The following ASAP2 variants were observed in gnomAD, a reference collection of about 807,000 sequenced individuals.
ASAP2 encodes the protein arf-GAP with SH3 domain, ANK repeat and PH domain-containing protein 2.
A neutral mutation model predicts 131.4 loss-of-function variants in ASAP2; 45 were observed. The observed-to-expected ratio is 0.34, with a 90% confidence interval of 0.27 to 0.44. The LOEUF is 0.44. Ranked by LOEUF, ASAP2 falls within the 20% of genes least tolerant of loss-of-function variation. The pLI is 1.00. For synonymous variants in ASAP2, 510 were observed against 503.0 expected (o/e 1.01, Z -0.19); for missense variants, 1,011 against 1,297.0 (o/e 0.78, Z 3.39).
At position 9,281,407 on chromosome 2, in the gene ASAP2, C is replaced by T. The variant is rs749064988; in HGVS notation, c.199+2018C>T. On this transcript the variant is annotated intron_variant, in intron 2 of 27. Coordinates refer to ENST00000281419, the MANE Select transcript of ASAP2 (RefSeq NM_003887.3). This position sits in a 1 kb window ranked among gnomAD's most constrained non-coding sequence, Gnocchi z 4.0. ...CAGCCCTGCATTTGAAGGGAGAAGG[C>T]GCTAGTGCTTCGGTGTCAGGAAGCT... Among the ~76,000 whole-genome samples, 3 of 152,142 alleles carry T rather than the reference C, an allele frequency of 2.0e-5. No individual in the cohort carries two copies. Among genetic ancestry groups the T allele is most frequent in the Non-Finnish European group, 4.4e-5 (3 of 68,020 alleles).
intron 24 of ASAP2, chr2:9,398,759 A>T (rs2148822225): frequency 6.6e-6 from 1 of 151,106 alleles, no homozygotes; most frequent in Non-Finnish European, 1.5e-5. Flanking sequence ...CAGTGAGCCG[A>T]GATTGTGCCA....
At chr2:9,399,982 C>T (rs367946138) in intron 24 of ASAP2, 41 bp from the exon 25 acceptor site, 7 of 1,603,558 alleles carry the variant, frequency 4.4e-6, no homozygotes, top group Non-Finnish European at 5.1e-6. Context: ...GGGCAGGTGC[C>T]CTCCGGTAGC....
intron 2 of ASAP2, among the ~76,000 whole-genome samples, chr2:9,284,891 T>C (rs1667369466): frequency 6.6e-6 from 1 of 152,172 alleles, no homozygotes; most frequent in African/African-American, 2.4e-5. Context: ...TGGATTTATG[T>C]AGAAGGAAGA....
chr2:9,294,937 T>G (rs1668061251), intron 2 of ASAP2, among the ~76,000 whole-genome samples: 1 of 152,222 alleles, frequency 6.6e-6, no homozygotes. Context: ...CAGTGTGTAG[T>G]GACAGATGCC....
chr2:9,251,190 C>T (rs764777519), intron 1 of ASAP2, among the ~76,000 whole-genome samples: 11 of 152,290 alleles, frequency 7.2e-5, no homozygotes, highest in Middle Eastern at 3.4e-3. Context: ...GTGGCCAGAG[C>T]GTTGTCACAT....
At chr2:9,253,940 G>C (rs752927351) in intron 1 of ASAP2, among the ~76,000 whole-genome samples, 2 of 151,792 alleles carry the variant, frequency 1.3e-5, no homozygotes, top group Non-Finnish European at 2.9e-5. Context: ...GGGCACGGTG[G>C]CTCATGTCTG....
At chr2:9,261,842 G>A (rs971477083) in intron 1 of ASAP2, among the ~76,000 whole-genome samples, 29 of 152,142 alleles carry the variant, frequency 1.9e-4, no homozygotes, top group African/African-American at 6.0e-4. Context: ...TGGACACCCC[G>A]GTGGCCACTC....
chr2:9,307,045 TGCAGCCCCTGGGCCAGCTGCACCA>T (rs1308842936), intron 3 of ASAP2, among the ~76,000 whole-genome samples: 1 of 152,146 alleles, frequency 6.6e-6, no homozygotes, highest in African/African-American at 2.4e-5. Context: ...GTCCTCCAAG[TGCAGCCCCTGGGCCAGCTGCACCA>T]GCAGCACCGG....
intron 3 of ASAP2, among the ~76,000 whole-genome samples, chr2:9,308,265 G>C (rs1488668469): frequency 6.6e-6 from 1 of 152,224 alleles, no homozygotes; most frequent in African/African-American, 2.4e-5. Flanking sequence ...AGAAGGTGAA[G>C]GGGGAGCCAG....
intron 20 of ASAP2, among the ~76,000 whole-genome samples, 160 bp downstream of exon 20, chr2:9,380,968 G>C (rs1261340479): frequency 1.3e-5 from 2 of 152,188 alleles, no homozygotes; most frequent in Non-Finnish European, 2.9e-5. Flanking sequence ...GAGAAGGTAT[G>C]CTAGGGAGTC....
At chr2:9,348,898 C>T (rs372722732) in intron 11 of ASAP2, among the ~76,000 whole-genome samples, 9 of 152,170 alleles carry the variant, frequency 5.9e-5, no homozygotes, top group African/African-American at 1.4e-4. Context: ...CAAGCAACCG[C>T]CTTCCATGGA....
chr2:9,358,503 C>A (rs1407483307), intron 14 of ASAP2, among the ~76,000 whole-genome samples: 1 of 152,090 alleles, frequency 6.6e-6, no homozygotes, highest in Non-Finnish European at 1.5e-5. Flanking sequence ...TATTTTTGCA[C>A]ACACAGCACC....
intron 27 of ASAP2, 87 bp downstream of exon 27, chr2:9,401,483 T>C: frequency 6.6e-7 from 1 of 1,519,092 alleles, no homozygotes; most frequent in Non-Finnish European, 8.9e-7. Context: ...GCAGGTGAGG[T>C]TTTCTCAGCC....
At chr2:9,225,776 C>G (rs1662719566) in intron 1 of ASAP2, among the ~76,000 whole-genome samples, 1 of 152,018 alleles carries the variant, frequency 6.6e-6, no homozygotes, top group Non-Finnish European at 1.5e-5. Context: ...TTGTAGGGGT[C>G]TGGATTAGGG....
Position 9,405,207 on chromosome 2 carries a change from C to T in ASAP2, c.*1880C>T, listed in dbSNP as rs547641724. ...CTATTGTGCAGTAACTAATAGTACT[C>T]TTACCAGAGGAGAAATTATATTAAC... On this transcript the variant is annotated 3_prime_UTR_variant, in exon 28 of 28. Coordinates refer to ENST00000281419, the MANE Select transcript of ASAP2 (RefSeq NM_003887.3). The T allele has an allele frequency of 6.6e-6, 1 of 152,262 alleles. No individual in the cohort carries two copies. The highest frequency in any genetic ancestry group is 2.1e-4 in the South Asian group (1 of 4,826). 9.4% of individuals were successfully genotyped at this position (152,262 alleles called of 1,614,324 possible). A position where few individuals can be genotyped will look rare whatever the true frequency, so the allele number is the denominator to read the frequency against.
At chr2:9,355,323 A>G (rs138838825) in intron 12 of ASAP2, among the ~76,000 whole-genome samples, 216 of 152,314 alleles carry the variant, frequency 1.4e-3, no homozygotes, top group African/African-American at 5.0e-3. Flanking sequence ...ATGCCTTCTT[A>G]AAGAGTATTG....
At chr2:9,254,258 C>CACGT (rs1272895345) in intron 1 of ASAP2, among the ~76,000 whole-genome samples, 1 of 91,228 alleles carries the variant, frequency 1.1e-5, no homozygotes, top group African/African-American at 5.1e-5. Flanking sequence ...TATATATACA[C>CACGT]GTGTGTGTGT....
intron 1 of ASAP2, among the ~76,000 whole-genome samples, chr2:9,265,427 T>C (rs2148222993): frequency 6.6e-6 from 1 of 152,340 alleles, no homozygotes; most frequent in African/African-American, 2.4e-5. Context: ...CACATTTTTG[T>C]GCTCAGAGTT....
chr2:9,355,915 AT>A (rs1209817762), intron 12 of ASAP2, 131 bp from the exon 13 acceptor site: 6 of 1,161,882 alleles, frequency 5.2e-6, no homozygotes, highest in Non-Finnish European at 5.0e-6. Context: ...GGAGTGCCTG[AT>A]TTTATACAAA....
Sources: gnomAD v4.1 joint callset for allele counts (sites outside exome capture counted in the v4.1 genomes callset) on GRCh38, gnomAD v4.1.1 for gene constraint, Gnocchi (gnomAD v3.1) non-coding constraint, MANE v1.5 for transcripts, NCBI Gene and HGNC (gene_info 2026-07-23, HGNC 2026-07-21) for gene names.